Variants in MED27 observed in about 807,000 individuals in gnomAD.
MED27 encodes mediator complex subunit 27.
MED27 carries 30 observed loss-of-function variants against 38.2 expected under a neutral mutation model. The ratio of observed to expected loss-of-function variants is 0.79; its 90% CI spans 0.59 to 1.07. MED27 has a LOEUF of 1.07. Among genes scored for constraint, MED27 ranks in the 50% least tolerant of loss-of-function variants. The pLI is 0.00. For missense variants in MED27, 289 were observed against 397.5 expected, an observed-to-expected ratio of 0.73 and a Z score of 2.32; for synonymous variants, 122 against 153.5, an observed-to-expected ratio of 0.79 and a Z score of 1.52.
At chr9:131,891,804 C>T (rs889343300) in intron 5 of MED27, among the ~76,000 whole-genome samples, 3 of 152,002 alleles carry the variant, frequency 2.0e-5, no homozygotes, top group African/African-American at 7.3e-5. Context: ...TGAGGCGGTG[C>T]GTGCATTCTT....
chr9:132,027,531 CACACCCAG>C (rs1485884958), intron 2 of MED27, among the ~76,000 whole-genome samples: 1 of 152,258 alleles, frequency 6.6e-6, no homozygotes, highest in African/African-American at 2.4e-5. Flanking sequence ...TCTGATGCTT[CACACCCAG>C]AACAGAGGAA....
chr9:132,048,816 C>T (rs1833402044), intron 2 of MED27, among the ~76,000 whole-genome samples: 1 of 152,168 alleles, frequency 6.6e-6, no homozygotes, highest in Non-Finnish European at 1.5e-5. Flanking sequence ...GGTAGGATTT[C>T]CGTGGGCAAA....
At chr9:131,906,628 C>T (rs1192499740) in intron 4 of MED27, among the ~76,000 whole-genome samples, 2 of 152,074 alleles carry the variant, frequency 1.3e-5, no homozygotes, top group Non-Finnish European at 2.9e-5. Flanking sequence ...GTGGAGGCAT[C>T]AAGAGAAGAA....
chr9:131,919,573 T>C (rs1358987197), intron 4 of MED27, among the ~76,000 whole-genome samples: 4 of 152,102 alleles, frequency 2.6e-5, no homozygotes, highest in Non-Finnish European at 5.9e-5. Context: ...AGCCTGTTTT[T>C]TCATTTGGAA....
chr9:131,891,614 T>C (rs1035590551), intron 5 of MED27, among the ~76,000 whole-genome samples: 9 of 152,192 alleles, frequency 5.9e-5, no homozygotes, highest in African/African-American at 2.2e-4. Context: ...TGACCATGCA[T>C]TGCTTTCTGC....
chr9:132,036,177 G>A (rs550078571), intron 2 of MED27, among the ~76,000 whole-genome samples: 13 of 152,086 alleles, frequency 8.5e-5, no homozygotes, highest in African/African-American at 2.9e-4. Flanking sequence ...TCAGAATGCA[G>A]GTCTTTTGGT....
At chr9:131,983,654 C>A (rs893392065) in intron 3 of MED27, among the ~76,000 whole-genome samples, 3 of 152,140 alleles carry the variant, frequency 2.0e-5, no homozygotes, top group African/African-American at 7.2e-5. Context: ...TTTGAGACAA[C>A]CTTTCATTTT....
At chr9:131,956,027 T>A (rs191020256) in intron 3 of MED27, among the ~76,000 whole-genome samples, 30 of 152,138 alleles carry the variant, frequency 2.0e-4, no homozygotes, top group Non-Finnish European at 7.3e-5. Context: ...AAAGATAATA[T>A]ATCATGATCA....
chr9:131,979,809 T>C (rs990651157), intron 3 of MED27, among the ~76,000 whole-genome samples: 5 of 149,174 alleles, frequency 3.4e-5, no homozygotes, highest in African/African-American at 5.1e-5. Context: ...TAACTCCTTG[T>C]AGAGTGGCAC....
Position 131,861,117 on chromosome 9 carries a change from G to A in MED27, c.802-445C>T, listed in dbSNP as rs1434186546. 2.0e-5 allele frequency among the ~76,000 whole-genome samples: 3 copies of A among 152,090 alleles called. No individual in the cohort carries two copies. The highest frequency in any genetic ancestry group is 6.5e-5 in the Admixed American group (1 of 15,282). On this transcript the variant is annotated intron_variant, in intron 7 of 7. Coordinates refer to ENST00000292035, the MANE Select transcript of MED27 (RefSeq NM_004269.4). The surrounding 1 kb of genome is among the most constrained non-coding windows in gnomAD (Gnocchi z 4.4). ...CGAGGACAATTCCAGAGTTCTCCGC[G>A]GAGGTCAACATGCCTTCTAGCTAAT...
At chr9:132,048,771 G>A (rs1030172417) in intron 2 of MED27, among the ~76,000 whole-genome samples, 5 of 152,210 alleles carry the variant, frequency 3.3e-5, no homozygotes, top group African/African-American at 9.7e-5. Context: ...GGCGGGCAGG[G>A]CTTTGGCAGC....
chr9:132,055,822 G>A (rs758868722), intron 2 of MED27, among the ~76,000 whole-genome samples: 2 of 152,152 alleles, frequency 1.3e-5, no homozygotes, highest in Middle Eastern at 3.2e-3. Flanking sequence ...GATTAACAAC[G>A]CTAAGAAAAG....
At chr9:132,036,936 T>C (rs1833092177) in intron 2 of MED27, among the ~76,000 whole-genome samples, 2 of 152,060 alleles carry the variant, frequency 1.3e-5, no homozygotes, top group South Asian at 2.1e-4. Flanking sequence ...GAACAACATG[T>C]AAAAGCAGAG....
At chr9:132,073,743 C>T in intron 2 of MED27, 7 of 1,505,270 alleles carry the variant, frequency 4.7e-6, no homozygotes, top group Non-Finnish European at 6.2e-6. Context: ...GTTGCTCTTT[C>T]TGTAATAAAA....
chr9:131,944,931 G>A (rs1273103303), intron 3 of MED27, among the ~76,000 whole-genome samples: 1 of 151,900 alleles, frequency 6.6e-6, no homozygotes, highest in Non-Finnish European at 1.5e-5. Context: ...TGCAGTTCAT[G>A]GACCTTTAAA....
chr9:131,985,026 A>G (rs1190817937), intron 3 of MED27, among the ~76,000 whole-genome samples: 1 of 151,930 alleles, frequency 6.6e-6, no homozygotes, highest in African/African-American at 2.4e-5. Flanking sequence ...GGACAATCTG[A>G]GTCTTTTTCC....
At chr9:131,984,225 C>T (rs991554224) in intron 3 of MED27, among the ~76,000 whole-genome samples, 6 of 152,162 alleles carry the variant, frequency 3.9e-5, no homozygotes, top group African/African-American at 9.7e-5. Context: ...TCTTCACATC[C>T]GCCCCACTTT....
intron 4 of MED27, among the ~76,000 whole-genome samples, chr9:131,923,319 T>C (rs2131554840): frequency 6.6e-6 from 1 of 152,344 alleles, no homozygotes; most frequent in South Asian, 2.1e-4. Flanking sequence ...GCTCCCATTA[T>C]CCACAATTTA....
At chr9:132,068,427 A>T (rs2131161032) in intron 2 of MED27, among the ~76,000 whole-genome samples, 1 of 152,330 alleles carries the variant, frequency 6.6e-6, no homozygotes, top group Non-Finnish European at 1.5e-5. Context: ...TACATTTTAA[A>T]GATCCCTCGA....
Sources: allele counts gnomAD v4.1 joint callset (sites outside exome capture counted in the v4.1 genomes callset), GRCh38; gene constraint gnomAD v4.1.1; non-coding constraint Gnocchi (gnomAD v3.1); transcripts MANE v1.5; gene names NCBI Gene and HGNC (gene_info 2026-07-23, HGNC 2026-07-21).